Variants in CATSPERE observed in about 807,000 individuals in gnomAD.
CATSPERE encodes the protein cation channel sperm-associated auxiliary subunit epsilon.
In CATSPERE, 93 loss-of-function variants were observed where a neutral mutation model predicts 114.1. That is an observed-to-expected ratio of 0.81 (90% confidence interval 0.69 to 0.97). The LOEUF is 0.97. Among genes scored for constraint, CATSPERE ranks in the 50% least tolerant of loss-of-function variants. The pLI, the probability that CATSPERE is intolerant of heterozygous loss-of-function variation, is 0.00. For synonymous variants in CATSPERE, 341 were observed against 384.1 expected (o/e 0.89, Z 1.31); for missense variants, 1,058 against 1,131.6 (o/e 0.93, Z 0.93).
intron 6 of CATSPERE, among the ~76,000 whole-genome samples, chr1:244,498,603 A>G (rs1673489235): frequency 6.6e-6 from 1 of 152,202 alleles, no homozygotes; most frequent in African/African-American, 2.4e-5. Context: ...ATTTATGGCT[A>G]TAAAGAAAGA....
intron 21 of CATSPERE, among the ~76,000 whole-genome samples, chr1:244,637,950 C>T (rs952780342): frequency 1.3e-5 from 2 of 152,198 alleles, no homozygotes; most frequent in African/African-American, 4.8e-5. Flanking sequence ...CGTCCTGTTA[C>T]AACAAAGGCA....
rs148128410 is a variant in CATSPERE at position 244,603,376 on chromosome 1, C to T, written c.2304-2319C>T. ...CCCAATTCCCAAAATGGAACTACCA[C>T]TGTGGGGAGGTTACAAATTGCAAGG... On this transcript the variant is annotated intron_variant, in intron 17 of 21. Coordinates refer to ENST00000366534, the MANE Select transcript of CATSPERE (RefSeq NM_001130957.2). 2.5e-3 allele frequency among the ~76,000 whole-genome samples: 380 copies of T among 152,266 alleles called. 5 individuals are homozygous for T. Among genetic ancestry groups the T allele is most frequent in the East Asian group, 0.014 (71 of 5,184 alleles).
rs563071839 is a variant in CATSPERE at position 244,561,878 on chromosome 1, G to A, written c.1507+733G>A. The stretch of plus-strand genomic sequence containing the variant: ...TTAAGAAACTCCTGTGAGGCCAGGC[G>A]TGGTGGCTCACGCTTCTAATGCCAG... On this transcript the variant is annotated intron_variant, in intron 10 of 21. Transcript: ENST00000366534. 9.9e-5 allele frequency among the ~76,000 whole-genome samples: 15 copies of A among 152,158 alleles called. 1 individual carries two copies. In the South Asian group the frequency reaches 1.5e-3, roughly 15 times the overall value.
At chr1:244,509,264 C>T (rs572234998) in intron 7 of CATSPERE, among the ~76,000 whole-genome samples, 27 of 149,116 alleles carry the variant, frequency 1.8e-4, no homozygotes, top group African/African-American at 4.6e-4. Flanking sequence ...CCTAATTTGT[C>T]GAGTTTTTTT....
intron 14 of CATSPERE, among the ~76,000 whole-genome samples, chr1:244,591,029 C>A (rs1344689720): frequency 6.6e-6 from 1 of 152,206 alleles, no homozygotes; most frequent in South Asian, 2.1e-4. Context: ...TTTTCCATAG[C>A]AGCTGCACTG....
Position 244,552,506 on chromosome 1 carries a change from G to C in CATSPERE, c.721G>C (p.Ala241Pro), listed in dbSNP as rs770945995. The C allele has an allele frequency of 6.2e-7, 1 of 1,614,080 alleles. No homozygotes were observed. Among genetic ancestry groups the C allele is most frequent in the Non-Finnish European group, 8.5e-7 (1 of 1,180,024 alleles). The change falls in exon 9 of 22, where the codon GCT (alanine) becomes CCT (proline). Residue 241 changes from alanine (A) to proline (P), a missense_variant. Around this residue, in one of 2 missense-constraint regions of CATSPERE, gnomAD observed 787 missense variants for 905.6 expected, o/e 0.87. Coordinates refer to ENST00000366534, the MANE Select transcript of CATSPERE (RefSeq NM_001130957.2). ...CTCACCACGTGGTAGTCAATTAATG[G>C]CTTCCTGGGATGCTTGTGTAGTTGC... ...ISSPRGSQLM[A>P]SWDACVVASA...
chr1:244,576,359 C>A (rs1293222315), intron 11 of CATSPERE, among the ~76,000 whole-genome samples: 1 of 151,498 alleles, frequency 6.6e-6, no homozygotes, highest in African/African-American at 2.4e-5. Context: ...AAATGTTTAT[C>A]CAGAAACAGA....
intron 20 of CATSPERE, among the ~76,000 whole-genome samples, chr1:244,619,592 G>T (rs2806619): frequency 6.6e-6 from 1 of 152,088 alleles, no homozygotes; most frequent in East Asian, 1.9e-4. Context: ...AGACTTTTCC[G>T]AATGCCATGG....
At chr1:244,454,934 G>C (rs1665995048) in intron 1 of CATSPERE, among the ~76,000 whole-genome samples, 1 of 152,082 alleles carries the variant, frequency 6.6e-6, no homozygotes, top group African/African-American at 2.4e-5. Flanking sequence ...TCTCTGTCTT[G>C]TTTTGTGTCC....
intron 13 of CATSPERE, among the ~76,000 whole-genome samples, 191 bp downstream of exon 13, chr1:244,584,130 G>A (rs995328386): frequency 3.3e-5 from 5 of 151,798 alleles, no homozygotes; most frequent in South Asian, 4.2e-4. Context: ...CAAAACAATC[G>A]TTTATTCATA....
chr1:244,467,139 A>G (rs1196216607), intron 2 of CATSPERE, among the ~76,000 whole-genome samples: 1 of 152,172 alleles, frequency 6.6e-6, no homozygotes, highest in Non-Finnish European at 1.5e-5. Context: ...AATTTTTACT[A>G]AATAACTCAA....
At chr1:244,524,167 C>T (rs1385608452) in intron 8 of CATSPERE, among the ~76,000 whole-genome samples, 1 of 145,986 alleles carries the variant, frequency 6.8e-6, no homozygotes, top group East Asian at 1.9e-4. Flanking sequence ...AGAACAGAGC[C>T]CTCAGAAATA....
intron 8 of CATSPERE, among the ~76,000 whole-genome samples, chr1:244,529,882 TTTG>T (rs1679314915): frequency 6.6e-6 from 1 of 152,166 alleles, no homozygotes; most frequent in African/African-American, 2.4e-5. Context: ...TCACTTGTTT[TTTG>T]TATATGGCAA....
At chr1:244,477,070 A>G (rs113520740) in intron 2 of CATSPERE, among the ~76,000 whole-genome samples, 7,047 of 152,176 alleles carry the variant, frequency 0.046, 191 homozygotes, top group Middle Eastern at 0.068. Context: ...ATGTCGGCTC[A>G]CTGCAACCTC....
At chr1:244,511,963 G>T (rs1675837527) in intron 7 of CATSPERE, among the ~76,000 whole-genome samples, 1 of 152,154 alleles carries the variant, frequency 6.6e-6, no homozygotes, top group African/African-American at 2.4e-5. Flanking sequence ...GCTGATTTTA[G>T]AATTCTCTTT....
intron 8 of CATSPERE, among the ~76,000 whole-genome samples, chr1:244,541,690 A>C (rs1027007537): frequency 2.7e-5 from 4 of 147,214 alleles, no homozygotes; most frequent in Non-Finnish European, 6.0e-5. Context: ...TCATGCTGCT[A>C]TAAAGACACG....
chr1:244,535,357 C>T (rs1019141221), intron 8 of CATSPERE, among the ~76,000 whole-genome samples: 1 of 152,230 alleles, frequency 6.6e-6, no homozygotes, highest in Non-Finnish European at 1.5e-5. Context: ...GCAAGTTCCC[C>T]CAGGCCCCAT....
At chr1:244,625,406 T>TTATATATATATATATATATA (rs35736130) in intron 20 of CATSPERE, among the ~76,000 whole-genome samples, 3 of 12,882 alleles carry the variant, frequency 2.3e-4, no homozygotes, top group African/African-American at 9.1e-4. Flanking sequence ...TTATTATTAT[T>TTATATATATATATATATATA]TATATATATA....
chr1:244,451,839 GC>G, upstream of CATSPERE: 1 of 1,551,490 alleles, frequency 6.4e-7, no homozygotes, highest in Non-Finnish European at 8.7e-7. This position sits in a 1 kb window ranked among gnomAD's most constrained non-coding sequence, Gnocchi z 6.6. Context: ...CGCGAGGAGA[GC>G]CCGAAGGAGA....
Sources: gnomAD v4.1 joint callset for allele counts (sites outside exome capture counted in the v4.1 genomes callset) on GRCh38, gnomAD v4.1.1 for gene constraint, gnomAD v4.1.1 regional missense constraint, Gnocchi (gnomAD v3.1) non-coding constraint, MANE v1.5 for transcripts, NCBI Gene and HGNC (gene_info 2026-07-23, HGNC 2026-07-21) for gene names.